The following LRRC3B variants were observed in gnomAD, a reference collection of about 807,000 sequenced individuals.
LRRC3B encodes leucine rich repeat containing 3B.
Under a neutral mutation model 12.8 loss-of-function variants are expected in LRRC3B, and 2 were observed. The ratio of observed to expected loss-of-function variants is 0.16; its 90% CI spans 0.06 to 0.49. The LOEUF is 0.49. Among genes scored for constraint, LRRC3B ranks in the 20% least tolerant of loss-of-function variants. LRRC3B has a pLI of 0.96. For missense variants in LRRC3B, 189 were observed against 319.4 expected (o/e 0.59, Z 3.11); for synonymous variants, 132 against 122.0 (o/e 1.08, Z -0.54).
Position 26,697,125 on chromosome 3 carries a change from T to C in LRRC3B, c.-160-12388T>C, listed in dbSNP as rs144774639. ...AAGTTCTATTCTCCATTTACTACTC[T>C]ATTAGTTTCCTATAGCTTCTGTAGC... On this transcript the variant is annotated intron_variant, in intron 1 of 1. Transcript: ENST00000396641. Among the ~76,000 whole-genome samples, 238 of 152,286 alleles carry C rather than the reference T, an allele frequency of 1.6e-3. 1 individual carries two copies. The highest frequency in any genetic ancestry group is 0.015 in the Admixed American group (224 of 15,290).
At chr3:26,710,277 C>T in exon 2 of LRRC3B, 1 of 1,613,936 alleles carries the variant, frequency 6.2e-7, no homozygotes. Context: ...AAAAAAACTA[C>T]CGATTATGCC....
At chr3:26,667,741 G>T (rs1699636943) in intron 1 of LRRC3B, among the ~76,000 whole-genome samples, 1 of 152,128 alleles carries the variant, frequency 6.6e-6, no homozygotes, top group African/African-American at 2.4e-5. Context: ...CTTACTAAAA[G>T]AACAGACTGA....
At chr3:26,649,927 C>T (rs1285410014) in intron 1 of LRRC3B, among the ~76,000 whole-genome samples, 2 of 152,134 alleles carry the variant, frequency 1.3e-5, no homozygotes, top group Non-Finnish European at 2.9e-5. Flanking sequence ...GGAACTTTCT[C>T]CCTCTTTCCC....
intron 1 of LRRC3B, among the ~76,000 whole-genome samples, chr3:26,664,246 C>T (rs1699552688): frequency 2.0e-5 from 3 of 152,254 alleles, no homozygotes; most frequent in South Asian, 4.1e-4. Flanking sequence ...TCTTCATCCA[C>T]ATTCAGGAGT....
chr3:26,652,246 A>G (rs1001286242), intron 1 of LRRC3B, among the ~76,000 whole-genome samples: 21 of 152,216 alleles, frequency 1.4e-4, no homozygotes, highest in African/African-American at 4.1e-4. Context: ...TGCATGATCA[A>G]CTGGGGCTGC....
At chr3:26,646,598 T>TAAAA (rs529066996) in intron 1 of LRRC3B, among the ~76,000 whole-genome samples, 13 of 99,658 alleles carry the variant, frequency 1.3e-4, no homozygotes, top group Non-Finnish European at 1.7e-4. Flanking sequence ...GGATAGGAGG[T>TAAAA]AAAAAAAAAA....
chr3:26,630,425 G>A (rs1169800253), intron 1 of LRRC3B, among the ~76,000 whole-genome samples: 1 of 152,142 alleles, frequency 6.6e-6, no homozygotes, highest in Non-Finnish European at 1.5e-5. Flanking sequence ...TGAAATATCT[G>A]TTTATCGACT....
chr3:26,663,111 T>C (rs900899393), intron 1 of LRRC3B, among the ~76,000 whole-genome samples: 9 of 152,180 alleles, frequency 5.9e-5, no homozygotes, highest in African/African-American at 2.2e-4. Flanking sequence ...GGCCCTCTCA[T>C]GCACGATTCT....
chr3:26,691,965 C>T (rs1406861142), intron 1 of LRRC3B, among the ~76,000 whole-genome samples: 3 of 152,108 alleles, frequency 2.0e-5, no homozygotes, highest in South Asian at 2.1e-4. Context: ...TGTTTGTCTT[C>T]GTGTTTGCAA....
chr3:26,694,377 T>C (rs1178936560), intron 1 of LRRC3B, among the ~76,000 whole-genome samples: 1 of 152,168 alleles, frequency 6.6e-6, no homozygotes, highest in Non-Finnish European at 1.5e-5. Flanking sequence ...CTGATATCCA[T>C]TGTGAGTCTC....
At chr3:26,640,265 G>A (rs74373427) in intron 1 of LRRC3B, among the ~76,000 whole-genome samples, 9 of 151,644 alleles carry the variant, frequency 5.9e-5, no homozygotes, top group South Asian at 2.1e-4. Flanking sequence ...TTCTCTTTTC[G>A]TGAGATCACC....
chr3:26,654,871 CT>C (rs1699337975), intron 1 of LRRC3B, among the ~76,000 whole-genome samples: 1 of 152,136 alleles, frequency 6.6e-6, no homozygotes, highest in African/African-American at 2.4e-5. Context: ...AATTATAAGC[CT>C]GTGTCATATT....
intron 1 of LRRC3B, among the ~76,000 whole-genome samples, chr3:26,652,423 G>A (rs1699284048): frequency 6.6e-6 from 1 of 152,184 alleles, no homozygotes; most frequent in African/African-American, 2.4e-5. Flanking sequence ...GTGAAGTGGG[G>A]CGGAAGAAAG....
chr3:26,670,365 T>G (rs997700175), intron 1 of LRRC3B, among the ~76,000 whole-genome samples: 1 of 152,206 alleles, frequency 6.6e-6, no homozygotes, highest in Non-Finnish European at 1.5e-5. Context: ...CTTACCCCAT[T>G]GCATGCTAGA....
intron 1 of LRRC3B, among the ~76,000 whole-genome samples, chr3:26,678,721 A>C (rs992984135): frequency 1.3e-5 from 2 of 152,214 alleles, no homozygotes; most frequent in Non-Finnish European, 2.9e-5. Flanking sequence ...ATAGAACCAG[A>C]TATAAAAATG....
chr3:26,667,219 T>C (rs1699624958), intron 1 of LRRC3B, among the ~76,000 whole-genome samples: 1 of 151,936 alleles, frequency 6.6e-6, no homozygotes, highest in Non-Finnish European at 1.5e-5. Context: ...TCTAAGTGAA[T>C]TTTGAAAATC....
Position 26,671,393 on chromosome 3 carries a change from G to T in LRRC3B, c.-160-38120G>T, listed in dbSNP as rs1436995121. The stretch of plus-strand genomic sequence containing the variant: ...ATATATAGAGAGAGAGAGAGAGAGA[G>T]AGAGAGAGAGAGAGAGAGAGACGAA... On this transcript the variant is annotated intron_variant, in intron 1 of 1. Transcript: ENST00000396641. Among the ~76,000 whole-genome samples, 16 of 120,126 alleles carry T rather than the reference G, an allele frequency of 1.3e-4. 1 individual carries two copies. Among genetic ancestry groups the T allele is most frequent in the African/African-American group, 5.5e-4 (16 of 29,190 alleles). The allele number at this position is 120,126 out of a possible 152,430, so 78.8% of individuals were successfully genotyped here.
intron 1 of LRRC3B, among the ~76,000 whole-genome samples, chr3:26,640,214 C>A (rs1191052232): frequency 3.3e-5 from 5 of 152,116 alleles, no homozygotes; most frequent in Admixed American, 2.6e-4. Context: ...CCCCTATCCT[C>A]CCACTATATT....
At chr3:26,694,976 C>G (rs372178451) in intron 1 of LRRC3B, among the ~76,000 whole-genome samples, 1 of 152,114 alleles carries the variant, frequency 6.6e-6, no homozygotes, top group Non-Finnish European at 1.5e-5. Context: ...ACCCCCAGAA[C>G]CGTCCCCTAA....
Sources: allele counts gnomAD v4.1 joint callset (sites outside exome capture counted in the v4.1 genomes callset), GRCh38; gene constraint gnomAD v4.1.1; transcripts MANE v1.5; gene names NCBI Gene and HGNC (gene_info 2026-07-23, HGNC 2026-07-21).